The following RFX2 variants were observed in gnomAD, a reference collection of about 807,000 sequenced individuals.
RFX2 encodes regulatory factor X2.
RFX2 carries 20 observed loss-of-function variants against 87.8 expected under a neutral mutation model. The observed-to-expected ratio is 0.23, with a 90% confidence interval of 0.16 to 0.33. The LOEUF (loss-of-function observed/expected upper bound fraction) is 0.33. Among genes scored for constraint, RFX2 ranks in the 10% least tolerant of loss-of-function variants. The pLI is 1.00. For synonymous variants in RFX2, 397 were observed against 431.3 expected (o/e 0.92, Z 0.98); for missense variants, 767 against 1,012.3 (o/e 0.76, Z 3.29).
intron 1 of RFX2, among the ~76,000 whole-genome samples, chr19:6,100,798 G>A (rs977757125): frequency 6.6e-6 from 1 of 152,040 alleles, no homozygotes; most frequent in Non-Finnish European, 1.5e-5. Context: ...TCATCAGTGT[G>A]AACCAAGGCT....
chr19:6,015,486 A>G (rs1485490648), intron 7 of RFX2, among the ~76,000 whole-genome samples: 1 of 150,542 alleles, frequency 6.6e-6, no homozygotes, highest in Non-Finnish European at 1.5e-5. Context: ...CAGAGGCTAC[A>G]TTTTGTTTGT....
At chr19:6,005,249 T>C (rs148459140) in intron 12 of RFX2, among the ~76,000 whole-genome samples, 32 of 152,342 alleles carry the variant, frequency 2.1e-4, no homozygotes, top group African/African-American at 7.7e-4. Flanking sequence ...AGAAATGCAA[T>C]ACTTTTGCTG....
At chr19:6,071,149 G>C (rs569151743) in intron 1 of RFX2, among the ~76,000 whole-genome samples, 1 of 152,292 alleles carries the variant, frequency 6.6e-6, no homozygotes, top group East Asian at 1.9e-4. Context: ...GTACAAACAT[G>C]CATCCTTAAA....
At chr19:6,060,141 G>A (rs1309201888) in intron 1 of RFX2, among the ~76,000 whole-genome samples, 1 of 152,080 alleles carries the variant, frequency 6.6e-6, no homozygotes, top group Non-Finnish European at 1.5e-5. Context: ...CTGCCATGCT[G>A]TCTCTTCCAC....
At chr19:6,093,501 C>A (rs2087974752) in intron 1 of RFX2, among the ~76,000 whole-genome samples, 1 of 152,010 alleles carries the variant, frequency 6.6e-6, no homozygotes, top group Non-Finnish European at 1.5e-5. Context: ...TGCCACTGCA[C>A]TCCAGCCTGG....
chr19:6,107,616 CAAAAAAAAAAAAAA>C (rs1156483792), intron 1 of RFX2, among the ~76,000 whole-genome samples: 2 of 31,542 alleles, frequency 6.3e-5, no homozygotes, highest in East Asian at 8.1e-4. Context: ...GACCCTGTCT[CAAAAAAAAAAAAAA>C]AAAAAAAAAA....
rs2087807973 is a variant in RFX2, at chr19:6,083,036, C to A, written c.-9+27357G>T. Among the ~76,000 whole-genome samples the A allele has an allele frequency of 6.6e-6, 1 of 151,998 alleles. No individual in the cohort carries two copies. Among genetic ancestry groups the A allele is most frequent in the South Asian group, 2.1e-4 (1 of 4,836 alleles). On this transcript the variant is annotated intron_variant, in intron 1 of 17. Transcript: ENST00000303657. The surrounding 1 kb of genome is among the most constrained non-coding windows in gnomAD (Gnocchi z 4.6). ...TCGCTGCAGCCTCAACCTCCCTGGG[C>A]TCAGGGAGTACGGGCACGTGCCACT...
rs1002055559 is a variant in RFX2 at position 6,044,805 on chromosome 19, C to G, written c.91-523G>C. On this transcript the variant is annotated intron_variant, in intron 2 of 17. Transcript: ENST00000303657. This position sits in a 1 kb window ranked among gnomAD's most constrained non-coding sequence, Gnocchi z 5.3. ...CCATTTTCTGATGAGGTTAATGAAGCCAGAGGGCTCAAGTGCTGCCTCTGG... is the reference window on the plus strand; with the variant it reads ...CCATTTTCTGATGAGGTTAATGAAGGCAGAGGGCTCAAGTGCTGCCTCTGG... Among the ~76,000 whole-genome samples the G allele has an allele frequency of 1.3e-5, 2 of 152,220 alleles. No individual in the cohort carries two copies. Among genetic ancestry groups the G allele is most frequent in the Non-Finnish European group, 2.9e-5 (2 of 68,044 alleles).
Position 6,044,071 on chromosome 19 carries a change from A to C in RFX2, c.180+122T>G, listed in dbSNP as rs562781846. The stretch of plus-strand genomic sequence containing the variant: ...CTTCTGGAAAAGTCTTTTGGCTAAG[A>C]AACTGAAGCTTACAACAAGGAACAG... On this transcript the variant is annotated intron_variant, in intron 3 of 17. Transcript: ENST00000303657. This position sits in a 1 kb window ranked among gnomAD's most constrained non-coding sequence, Gnocchi z 5.3. The C allele has an allele frequency of 3.8e-5, 19 of 502,028 alleles. No homozygotes were observed. In the Admixed American group the frequency reaches 8.0e-4, roughly 21 times the overall value. 31.1% of individuals were successfully genotyped at this position (502,028 alleles called of 1,614,324 possible). A position where few individuals can be genotyped will look rare whatever the true frequency, so the allele number is the denominator to read the frequency against.
At chr19:6,080,202 A>T (rs1006454276) in intron 1 of RFX2, among the ~76,000 whole-genome samples, 2 of 138,508 alleles carry the variant, frequency 1.4e-5, no homozygotes, top group East Asian at 4.5e-4. Flanking sequence ...TGCCTGGTTA[A>T]TGTGTGTGTG....
chr19:6,020,750 T>C lies in RFX2; in HGVS notation c.598-4479A>G, dbSNP rs3795015. ...CAGCTGGACGGAGTCACCTTTCTGG[T>C]TTGGGCATGTTCTGCAGTCTGCTTT... is the stretch of plus-strand genomic sequence containing the variant. On this transcript the variant is annotated intron_variant, in intron 6 of 17. Coordinates refer to ENST00000303657, the MANE Select transcript of RFX2 (RefSeq NM_000635.4). The surrounding 1 kb of genome is among the most constrained non-coding windows in gnomAD (Gnocchi z 5.3). 0.14 allele frequency among the ~76,000 whole-genome samples: 20,623 copies of C among 152,258 alleles called. 1,625 individuals carry two copies. Among genetic ancestry groups the C allele is most frequent in the Middle Eastern group, 0.22 (66 of 294 alleles).
chr19:6,005,777 C>T (rs2086571813), intron 12 of RFX2, among the ~76,000 whole-genome samples: 2 of 152,186 alleles, frequency 1.3e-5, no homozygotes, highest in Non-Finnish European at 2.9e-5. Flanking sequence ...GGGCCATGTC[C>T]CAGCTTCTTC....
rs544112682 is a variant in RFX2 at position 6,040,769 on chromosome 19, T to A, written c.261-528A>T. Among the ~76,000 whole-genome samples, 11 of 151,938 alleles carry A rather than the reference T, an allele frequency of 7.2e-5. No homozygotes were observed. The East Asian group carries it at 8.0e-4, about 11-fold the overall frequency. ...GCAAGACCCTATCTCTTAAAAAAAA[T>A]AAATACAAATAAAACTTAAAATTGT... On this transcript the variant is annotated intron_variant, in intron 4 of 17. Coordinates refer to ENST00000303657, the MANE Select transcript of RFX2 (RefSeq NM_000635.4). The surrounding 1 kb of genome is among the most constrained non-coding windows in gnomAD (Gnocchi z 6.1).
chr19:6,080,254 C>CAGAG (rs140111900), intron 1 of RFX2, among the ~76,000 whole-genome samples: 2 of 127,790 alleles, frequency 1.6e-5, no homozygotes, highest in Admixed American at 7.6e-5. Flanking sequence ...GAGAGAGAGA[C>CAGAG]AGAGAGAGAG....
At chr19:6,062,456 T>C (rs2087449275) in intron 1 of RFX2, among the ~76,000 whole-genome samples, 1 of 152,232 alleles carries the variant, frequency 6.6e-6, no homozygotes, top group East Asian at 1.9e-4. Context: ...GAACTGGCTT[T>C]GGCTTGGGTT....
Position 6,002,942 on chromosome 19 carries a change from G to T in RFX2, c.1501-72C>A. 1 of 1,507,156 alleles carries T rather than the reference G, an allele frequency of 6.6e-7. No homozygotes were observed. The allele number at this position is 1,507,156 out of a possible 1,614,324, so 93.4% of individuals were successfully genotyped here. ...GTTCCGCTGCGCTCCTTGCAGGGGTGTGTGGGCTCAGGGACAACACAGGGA... is the reference window on the plus strand; with the variant it reads ...GTTCCGCTGCGCTCCTTGCAGGGGTTTGTGGGCTCAGGGACAACACAGGGA... On this transcript the variant is annotated intron_variant, in intron 13 of 17. Coordinates refer to ENST00000303657, the MANE Select transcript of RFX2 (RefSeq NM_000635.4). This position sits in a 1 kb window ranked among gnomAD's most constrained non-coding sequence, Gnocchi z 6.7.
intron 1 of RFX2, among the ~76,000 whole-genome samples, chr19:6,053,391 T>A (rs1290120169): frequency 6.6e-6 from 1 of 152,230 alleles, no homozygotes; most frequent in Non-Finnish European, 1.5e-5. Context: ...CTGGAACTGT[T>A]CTGTATGGCA....
At chr19:6,072,854 A>T (rs1307277766) in intron 1 of RFX2, 1 of 1,305,422 alleles carries the variant, frequency 7.7e-7, no homozygotes, top group Non-Finnish European at 1.1e-6. Flanking sequence ...GTGAAGCCCA[A>T]GATCGTCAAA....
At position 5,998,600 on chromosome 19, in the gene RFX2, C is replaced by T. The variant is rs915114140; in HGVS notation, c.1860-1387G>A. 7.2e-5 allele frequency among the ~76,000 whole-genome samples: 11 copies of T among 152,190 alleles called. No homozygotes were observed. The highest frequency in any genetic ancestry group is 1.3e-4 in the Admixed American group (2 of 15,274). The stretch of plus-strand genomic sequence containing the variant: ...GCAAAGCCCCCAGCCCCCTCCTGTT[C>T]CTCCGGGCCCACCCAGGTTGGCTTC... On this transcript the variant is annotated intron_variant, in intron 15 of 17. Coordinates refer to ENST00000303657, the MANE Select transcript of RFX2 (RefSeq NM_000635.4). This position sits in a 1 kb window ranked among gnomAD's most constrained non-coding sequence, Gnocchi z 4.2.
Sources: allele counts gnomAD v4.1 joint callset (sites outside exome capture counted in the v4.1 genomes callset), GRCh38; gene constraint gnomAD v4.1.1; non-coding constraint Gnocchi (gnomAD v3.1); transcripts MANE v1.5; gene names NCBI Gene and HGNC (gene_info 2026-07-23, HGNC 2026-07-21).